Variants in LHX9 observed in about 807,000 individuals in gnomAD.
LHX9 encodes LIM homeobox 9.
LHX9 carries 9 observed loss-of-function variants against 36.5 expected under a neutral mutation model. That is an observed-to-expected ratio of 0.25 (90% CI 0.15 to 0.43). The LOEUF (loss-of-function observed/expected upper bound fraction) is 0.43. Among genes scored for constraint, LHX9 ranks in the 20% least tolerant of loss-of-function variants. The pLI, the probability that LHX9 is intolerant of heterozygous loss-of-function variation, is 1.00. For missense variants in LHX9, 464 were observed against 526.4 expected (o/e 0.88, Z 1.16); for synonymous variants, 211 against 212.1 (o/e 0.99, Z 0.04).
rs1412746827 is a variant in LHX9 at position 197,934,507 on chromosome 1, T to C, written c.*5248T>C. ...TTATAAACAAAGCTAGCTTTACTTG[T>C]AGAGAGTTCGTGTACTCTTGAGCTC... On this transcript the variant is annotated 3_prime_UTR_variant, in exon 5 of 5. Transcript: ENST00000367387. 1 of 152,232 alleles carries C rather than the reference T, an allele frequency of 6.6e-6. No homozygotes were observed. The highest frequency in any genetic ancestry group is 1.5e-5 in the Non-Finnish European group (1 of 68,034). The allele number at this position is 152,232 out of a possible 1,614,324, so 9.4% of individuals were successfully genotyped here.
chr1:197,917,278 G>A (rs1659791827), upstream of LHX9: 1 of 1,221,028 alleles, frequency 8.2e-7, no homozygotes, highest in Non-Finnish European at 1.0e-6. Context: ...ATAAAAATCC[G>A]TGGCAGCTCC....
chr1:197,914,980 C>G (rs1659707477), upstream of LHX9, among the ~76,000 whole-genome samples: 1 of 152,172 alleles, frequency 6.6e-6, no homozygotes. Flanking sequence ...CTTACAAAAC[C>G]TCTGTGTTTG....
chr1:197,912,879 C>T (rs1190267402), upstream of LHX9: 1 of 405,912 alleles, frequency 2.5e-6, no homozygotes, highest in Non-Finnish European at 4.4e-6. Context: ...GGGACGCGCT[C>T]CTGACCCTCC....
In LHX9 at chr1:197,933,755, AAAAGAG is replaced by A. The variant is rs1175191683; in HGVS notation, c.*4498_*4503del. ...TTTTTTAAAACCAAAAAAAAAAAAA[AAAAGAG>A]AGAGAGAGAGAAAGGAGTACTAATT... is the stretch of plus-strand genomic sequence containing the variant. On this transcript the variant is annotated 3_prime_UTR_variant, in exon 5 of 5. Transcript: ENST00000367387. 1.6e-4 allele frequency: 25 copies of A among 151,760 alleles called. No homozygotes were observed. Among genetic ancestry groups the A allele is most frequent in the African/African-American group, 5.3e-4 (22 of 41,454 alleles). 9.4% of individuals were successfully genotyped at this position (151,760 alleles called of 1,614,324 possible).
chr1:197,912,675 GTGTT>G, upstream of LHX9: 1 of 1,091,618 alleles, frequency 9.2e-7, no homozygotes, highest in Non-Finnish European at 1.4e-6. Context: ...AGAGGAGTGT[GTGTT>G]TGTCTTAAAA....
At chr1:197,916,571 C>A, upstream of LHX9, 1 of 674,342 alleles carries the variant, frequency 1.5e-6, no homozygotes. Context: ...GAATAAGCCG[C>A]CCTATGGCCA....
chr1:197,914,662 G>A (rs1659700646), upstream of LHX9, among the ~76,000 whole-genome samples: 1 of 152,048 alleles, frequency 6.6e-6, no homozygotes, highest in Non-Finnish European at 1.5e-5. Context: ...AGAAGGCAGG[G>A]CTGGACCCAT....
intron 3 of LHX9, among the ~76,000 whole-genome samples, chr1:197,922,678 G>A (rs1660028511): frequency 1.3e-5 from 2 of 152,202 alleles, no homozygotes; most frequent in Admixed American, 1.3e-4. Flanking sequence ...AACTGCTTTG[G>A]CTTTCAGTGC....
Position 197,933,913 on chromosome 1 carries a change from G to A in LHX9, c.*4654G>A, listed in dbSNP as rs1216377159. The A allele has an allele frequency of 6.6e-6, 1 of 152,116 alleles. No homozygotes were observed. Among genetic ancestry groups the A allele is most frequent in the East Asian group, 1.9e-4 (1 of 5,196 alleles). The allele number at this position is 152,116 out of a possible 1,614,324, so 9.4% of individuals were successfully genotyped here. ...TGTTTGGTGTGGAATAGAAAAATGT[G>A]GACCTCTTAGTTGAGAGCAGGACAC... On this transcript the variant is annotated 3_prime_UTR_variant, in exon 5 of 5. Coordinates refer to ENST00000367387, the MANE Select transcript of LHX9 (RefSeq NM_020204.3).
rs1187257006 is a variant in LHX9 at position 197,921,688 on chromosome 1, AG to A, written c.733+30del. 7.9e-6 allele frequency: 12 copies of A among 1,509,618 alleles called. No homozygotes were observed. Among genetic ancestry groups the A allele is most frequent in the Non-Finnish European group, 9.7e-6 (11 of 1,129,468 alleles). The allele number at this position is 1,509,618 out of a possible 1,614,324, so 93.5% of individuals were successfully genotyped here. A position where few individuals can be genotyped will look rare whatever the true frequency, so the allele number is the denominator to read the frequency against. On this transcript the variant is annotated intron_variant, in intron 3 of 4. Coordinates refer to ENST00000367387, the MANE Select transcript of LHX9 (RefSeq NM_020204.3). The surrounding 1 kb of genome is among the most constrained non-coding windows in gnomAD (Gnocchi z 4.6). Reference sequence around the variant, plus strand: ...TGCCTCCTATCCTCACCCCCGGCGCAGCCCCGGCCTCCCTGAGGAAAATTCG... The same window carrying A: ...TGCCTCCTATCCTCACCCCCGGCGCACCCCGGCCTCCCTGAGGAAAATTCG...
In LHX9 at chr1:197,927,623, C is replaced by T. The variant is rs1373407901; in HGVS notation, c.766C>T (p.Arg256Trp). 1.1e-5 allele frequency: 17 copies of T among 1,614,008 alleles called. No homozygotes were observed. The highest frequency in any genetic ancestry group is 1.4e-5 in the Non-Finnish European group (16 of 1,180,014). ...TGAGAATGAGGCAGACCACTTGGAC[C>T]GGGACCAGCAGCCTTATCCACCCTC... Reference protein sequence around the residue: ...CNENEADHLDRDQQPYPPSQK... With the variant: ...CNENEADHLDWDQQPYPPSQK... Residue 256 changes from arginine (R) to tryptophan (W), a missense_variant, in exon 4 of 5, where the codon CGG (arginine) becomes TGG (tryptophan). Transcript: ENST00000367387.
intron 3 of LHX9, among the ~76,000 whole-genome samples, chr1:197,923,078 C>G (rs1660037654): frequency 6.6e-6 from 1 of 152,254 alleles, no homozygotes; most frequent in South Asian, 2.1e-4. Context: ...ACCGACTGAT[C>G]TAACTGAAGA....
chr1:197,929,944 T>C lies in LHX9; in HGVS notation c.*685T>C. On this transcript the variant is annotated 3_prime_UTR_variant, in exon 5 of 5. Transcript: ENST00000367387. ...TCTAAAAACTTTTTACTTGGTTATT[T>C]GTTTTTCAACATTTGAAAAATACTT... 1 of 983,620 alleles carries C rather than the reference T, an allele frequency of 1.0e-6. No individual in the cohort carries two copies. The highest frequency in any genetic ancestry group is 1.7e-5 in the African/African-American group (1 of 57,324). 60.9% of individuals were successfully genotyped at this position (983,620 alleles called of 1,614,324 possible). A position where few individuals can be genotyped will look rare whatever the true frequency, so the allele number is the denominator to read the frequency against.
At chr1:197,925,369 G>T (rs947769934) in intron 3 of LHX9, among the ~76,000 whole-genome samples, 3 of 152,130 alleles carry the variant, frequency 2.0e-5, no homozygotes, top group African/African-American at 7.2e-5. Context: ...GGTGTGGAGT[G>T]GGGGAAAGAT....
intron 1 of LHX9, 58 bp from the exon 2 acceptor site, chr1:197,919,914 C>T (rs905834916): frequency 6.4e-7 from 1 of 1,574,490 alleles, no homozygotes; most frequent in East Asian, 2.2e-5. Flanking sequence ...GGGAGAACCC[C>T]GCGTCGTGCG....
In LHX9 at chr1:197,928,962, A is replaced by G. The variant is rs774911374; in HGVS notation, c.937-40A>G. ...AGAGAGAAAGAAAAGAAATATAAAA[A>G]TGAACATCGGTAAAGAAATCAATTG... is the stretch of plus-strand genomic sequence containing the variant. On this transcript the variant is annotated intron_variant, in intron 4 of 4. Transcript: ENST00000367387. 3.7e-5 allele frequency: 55 copies of G among 1,470,884 alleles called. No individual in the cohort carries two copies. In the South Asian group the frequency reaches 7.6e-4, roughly 20 times the overall value. 91.1% of individuals were successfully genotyped at this position (1,470,884 alleles called of 1,614,324 possible). A position where few individuals can be genotyped will look rare whatever the true frequency, so the allele number is the denominator to read the frequency against.
chr1:197,925,178 C>T lies in LHX9; in HGVS notation c.734-2413C>T, dbSNP rs1660105657. Among the ~76,000 whole-genome samples the T allele has an allele frequency of 1.3e-5, 2 of 151,872 alleles. 1 individual carries two copies. Among genetic ancestry groups the T allele is most frequent in the Non-Finnish European group, 2.9e-5 (2 of 67,992 alleles). ...TTTTATGTGGAAACAGGGCCTATAACTGTATTTTACACACTAAAAGGCTCT... is the reference window on the plus strand; with the variant it reads ...TTTTATGTGGAAACAGGGCCTATAATTGTATTTTACACACTAAAAGGCTCT... On this transcript the variant is annotated intron_variant, in intron 3 of 4. Transcript: ENST00000367387.
rs1660385965 is a variant in LHX9 at position 197,933,740 on chromosome 1, C to CAAA, written c.*4481_*4482insAAA. On this transcript the variant is annotated 3_prime_UTR_variant, in exon 5 of 5. Coordinates refer to ENST00000367387, the MANE Select transcript of LHX9 (RefSeq NM_020204.3). ...TTTGAAACAGGCACATTTTTTAAAA[C>CAAA]CAAAAAAAAAAAAAAAAAGAGAGAG... is the stretch of plus-strand genomic sequence containing the variant. The CAAA allele has an allele frequency of 2.7e-5, 1 of 36,564 alleles. No individual in the cohort carries two copies. The highest frequency in any genetic ancestry group is 9.7e-5 in the African/African-American group (1 of 10,360). 2.3% of individuals were successfully genotyped at this position (36,564 alleles called of 1,614,324 possible). A position where few individuals can be genotyped will look rare whatever the true frequency, so the allele number is the denominator to read the frequency against.
chr1:197,922,334 G>T (rs1370281934), intron 3 of LHX9, among the ~76,000 whole-genome samples: 4 of 152,270 alleles, frequency 2.6e-5, no homozygotes, highest in East Asian at 1.9e-4. Flanking sequence ...TCCAGGTCAG[G>T]CCTCCTGAAG....
Sources: gnomAD v4.1 joint callset for allele counts (sites outside exome capture counted in the v4.1 genomes callset) on GRCh38, gnomAD v4.1.1 for gene constraint, Gnocchi (gnomAD v3.1) non-coding constraint, MANE v1.5 for transcripts, NCBI Gene and HGNC (gene_info 2026-07-23, HGNC 2026-07-21) for gene names.